Variants in BPIFA1 observed in about 807,000 individuals in gnomAD.
BPIFA1 encodes BPI fold-containing family A member 1.
In BPIFA1, 24 loss-of-function variants were observed where a neutral mutation model predicts 25.1. That is an observed-to-expected ratio of 0.96 (90% confidence interval 0.69 to 1.35). The LOEUF is 1.35. Ranked by LOEUF, BPIFA1 falls within the 40% of genes most tolerant of loss-of-function variation. The pLI is 0.00. For synonymous variants in BPIFA1, 139 were observed against 131.8 expected (o/e 1.05, Z -0.37); for missense variants, 344 against 303.7 (o/e 1.13, Z -0.99).
chr20:33,240,687 ATAAAG>A (rs60403481), intron 5 of BPIFA1, among the ~76,000 whole-genome samples: 5,757 of 145,076 alleles, frequency 0.04, 389 homozygotes, highest in African/African-American at 0.16. Flanking sequence ...AGATAGATAG[ATAAAG>A]TAGTACTTAT....
In BPIFA1 at chr20:33,241,415, G is replaced by A. The variant is rs143937380; in HGVS notation, c.612G>A (p.Leu204=). The change falls in exon 6 of 9, where the codon CTG becomes CTA. Residue 204 remains leucine, a synonymous_variant. Transcript: ENST00000354297. ...GCCCCCTCCCCATTCAAGGTCTTCT[G>A]GACAGCCTCACAGGGATCTTGAATA... ...GLGPLPIQGL[L]DSLTGILNKV... 14 of 1,613,980 alleles carry A rather than the reference G, an allele frequency of 8.7e-6. No homozygotes were observed. The highest frequency in any genetic ancestry group is 1.7e-5 in the Admixed American group (1 of 60,004).
chr20:33,242,458 GT>G (rs1232660921), intron 7 of BPIFA1, 28 bp from the exon 8 acceptor site: 1 of 1,613,166 alleles, frequency 6.2e-7, no homozygotes, highest in Admixed American at 1.7e-5. Context: ...ACTGTCGTCT[GT>G]TTTTTTATTG....
Position 33,237,767 on chromosome 20 carries a change from C to A in BPIFA1, c.56C>A (p.Ala19Asp). 6.3e-7 allele frequency: 1 copy of A among 1,583,522 alleles called. No homozygotes were observed. Among genetic ancestry groups the A allele is most frequent in the Non-Finnish European group, 8.6e-7 (1 of 1,164,782 alleles). The change falls in exon 2 of 9, where the codon GCC becomes GAC. Residue 19 changes from alanine to aspartate, a missense_variant. Physicochemically the swap from Ala to Asp is moderately radical, Grantham distance 126. Coordinates refer to ENST00000354297, the MANE Select transcript of BPIFA1 (RefSeq NM_130852.3). ...VFYGLLAQTM[A>D]QFGGLPVPLD... Reference sequence around the variant, plus strand: ...TACGGGCTGTTAGCCCAGACCATGGCCCAGTTTGGAGGCCTGCCCGTGCCC... The same window carrying A: ...TACGGGCTGTTAGCCCAGACCATGGACCAGTTTGGAGGCCTGCCCGTGCCC...
At chr20:33,242,357 C>G in intron 7 of BPIFA1, 130 bp from the exon 8 acceptor site, 2 of 1,215,902 alleles carry the variant, frequency 1.6e-6, no homozygotes, top group Non-Finnish European at 2.3e-6. Flanking sequence ...TGGCTTCCTC[C>G]AAGCATGCTG....
chr20:33,237,729 C>T lies in BPIFA1; in HGVS notation c.18C>T (p.Gly6=), dbSNP rs868857531. The T allele has an allele frequency of 2.7e-6, 4 of 1,465,900 alleles. No homozygotes were observed. The highest frequency in any genetic ancestry group is 1.5e-5 in the South Asian group (1 of 64,836). The allele number at this position is 1,465,900 out of a possible 1,614,324, so 90.8% of individuals were successfully genotyped here. A position where few individuals can be genotyped will look rare whatever the true frequency, so the allele number is the denominator to read the frequency against. MFQTG[G]LIVFYGLLAQ... ...GAGCAAAGATGTTTCAAACTGGGGG[C>T]CTCATTGTCTTCTACGGGCTGTTAG... The change falls in exon 2 of 9, where the codon GGC becomes GGT. Residue 6 remains glycine (G), a synonymous_variant. Coordinates refer to ENST00000354297, the MANE Select transcript of BPIFA1 (RefSeq NM_130852.3).
Position 33,242,131 on chromosome 20 carries a change from C to T in BPIFA1, c.730+12C>T. On this transcript the variant is annotated intron_variant, in intron 7 of 8. Coordinates refer to ENST00000354297, the MANE Select transcript of BPIFA1 (RefSeq NM_130852.3). Reference sequence around the variant, plus strand: ...GCATGACATTGTTAGTAAGTACCTGCTTTCAAGCCCTCTGTCCCTCTCTGC... The same window carrying T: ...GCATGACATTGTTAGTAAGTACCTGTTTTCAAGCCCTCTGTCCCTCTCTGC... 1.2e-6 allele frequency: 2 copies of T among 1,613,186 alleles called. No individual in the cohort carries two copies. Among genetic ancestry groups the T allele is most frequent in the South Asian group, 1.1e-5 (1 of 91,066 alleles).
chr20:33,242,349 G>A, intron 7 of BPIFA1, 138 bp from the exon 8 acceptor site: 1 of 1,139,896 alleles, frequency 8.8e-7, no homozygotes, highest in Non-Finnish European at 1.3e-6. Context: ...AGGAGGCCTG[G>A]CTTCCTCCAA....
chr20:33,237,897 CATGTGTGTGTGT>C (rs759112850), intron 2 of BPIFA1, 26 bp downstream of exon 2: 59 of 1,268,184 alleles, frequency 4.7e-5, no homozygotes, highest in East Asian at 1.1e-4. Context: ...TGTATGTGTG[CATGTGTGTGTGT>C]GTGTGTGTGT....
At chr20:33,240,489 T>G in intron 5 of BPIFA1, 104 bp downstream of exon 5, 1 of 1,428,362 alleles carries the variant, frequency 7.0e-7, no homozygotes, top group Non-Finnish European at 9.5e-7. Context: ...AGTGAGAGGC[T>G]GAAAGGGTGG....
chr20:33,242,684 A>C, intron 8 of BPIFA1, 123 bp downstream of exon 8: 1 of 686,994 alleles, frequency 1.5e-6, no homozygotes, highest in Middle Eastern at 4.0e-4. Flanking sequence ...AGAGGTACAC[A>C]CAGGGATGCA....
At chr20:33,241,012 C>T (rs935600141) in intron 5 of BPIFA1, among the ~76,000 whole-genome samples, 6 of 152,184 alleles carry the variant, frequency 3.9e-5, no homozygotes, top group African/African-American at 9.7e-5. Context: ...ACCTATTACG[C>T]AAAAGTTGCC....
rs111799330 is a variant in BPIFA1 at position 33,237,678 on chromosome 20, C to T, written c.-15-19C>T. Reference sequence around the variant, plus strand: ...TCTCTGATACCCATGCCATGTTGGACTTGTCATTCTGGCCACAGATACTAA... The same window carrying T: ...TCTCTGATACCCATGCCATGTTGGATTTGTCATTCTGGCCACAGATACTAA... On this transcript the variant is annotated intron_variant, in intron 1 of 8. Coordinates refer to ENST00000354297, the MANE Select transcript of BPIFA1 (RefSeq NM_130852.3). The T allele has an allele frequency of 7.1e-7, 1 of 1,411,642 alleles. No homozygotes were observed. Among genetic ancestry groups the T allele is most frequent in the East Asian group, 2.6e-5 (1 of 38,412 alleles). The allele number at this position is 1,411,642 out of a possible 1,614,324, so 87.4% of individuals were successfully genotyped here. A position where few individuals can be genotyped will look rare whatever the true frequency, so the allele number is the denominator to read the frequency against.
At chr20:33,239,992 T>A in intron 4 of BPIFA1, 82 bp downstream of exon 4, 3 of 1,470,284 alleles carry the variant, frequency 2.0e-6, no homozygotes, top group Non-Finnish European at 2.8e-6. Context: ...ACGGGGGTAT[T>A]GGAGTCTAAC....
chr20:33,240,487 G>A, intron 5 of BPIFA1, 102 bp downstream of exon 5: 2 of 1,440,392 alleles, frequency 1.4e-6, no homozygotes, highest in East Asian at 2.3e-5. Context: ...TGAGTGAGAG[G>A]CTGAAAGGGT....
intron 1 of BPIFA1, 83 bp from the exon 2 acceptor site, chr20:33,237,614 C>A: frequency 8.2e-7 from 1 of 1,212,614 alleles, no homozygotes. Context: ...GCAAACAACC[C>A]CACCCCCCAG....
rs1978876356 is a variant in BPIFA1 at position 33,239,917 on chromosome 20, G to T, written c.428+7G>T. The T allele has an allele frequency of 6.8e-6, 11 of 1,611,134 alleles. No homozygotes were observed. Among genetic ancestry groups the T allele is most frequent in the Non-Finnish European group, 9.3e-6 (11 of 1,177,296 alleles). On this transcript the variant is annotated splice_region_variant and intron_variant, in intron 4 of 8. Coordinates refer to ENST00000354297, the MANE Select transcript of BPIFA1 (RefSeq NM_130852.3). ...TAAAGCTCCAAGTGAATACGTGAGT[G>T]GGTCCCAAGAGGGGGTGAGAGGATG...
chr20:33,239,278 A>C (rs1250240934), intron 3 of BPIFA1, among the ~76,000 whole-genome samples: 3 of 152,162 alleles, frequency 2.0e-5, no homozygotes. Context: ...AACATTGGTG[A>C]TTGGCCACCT....
At position 33,237,888 on chromosome 20, in the gene BPIFA1, GTA is replaced by G. The variant is rs761669287; in HGVS notation, c.160+19_160+20del. The G allele has an allele frequency of 1.9e-6, 3 of 1,555,480 alleles. No homozygotes were observed. Among genetic ancestry groups the G allele is most frequent in the Non-Finnish European group, 1.7e-6 (2 of 1,152,688 alleles). ...TGACAAATGGTGAGTTTTCAGGGGT[GTA>G]TGTGTGCATGTGTGTGTGTGTGTGT... On this transcript the variant is annotated intron_variant, in intron 2 of 8. Transcript: ENST00000354297.
At position 33,241,466 on chromosome 20, in the gene BPIFA1, C is replaced by G. The variant is rs867904829; in HGVS notation, c.663C>G (p.Gly221=). The G allele has an allele frequency of 1.2e-6, 2 of 1,612,196 alleles. No homozygotes were observed. Among genetic ancestry groups the G allele is most frequent in the Middle Eastern group, 3.3e-4 (2 of 6,060 alleles). Residue 221 remains glycine (G), a synonymous_variant, in exon 6 of 9, where the codon GGC becomes GGG. Transcript: ENST00000354297. ...AAGTCCTGCCTGAGTTGGTTCAGGG[C>G]AACGTAAGTAGGCAAGGTGGGGATC... ...LNKVLPELVQ[G]NVCPLVNEVL...
Sources: allele counts gnomAD v4.1 joint callset (sites outside exome capture counted in the v4.1 genomes callset), GRCh38; gene constraint gnomAD v4.1.1; transcripts MANE v1.5; gene names NCBI Gene and HGNC (gene_info 2026-07-23, HGNC 2026-07-21).